The following EYS variants were observed in gnomAD, a reference collection of about 807,000 sequenced individuals.
The protein encoded by EYS is EGF-like photoreceptor maintenance factor.
In EYS, 250 loss-of-function variants were observed where a neutral mutation model predicts 282.1. That is an observed-to-expected ratio of 0.89 (90% confidence interval 0.80 to 0.98). The LOEUF is 0.98. Among genes scored for constraint, EYS ranks in the 50% least tolerant of loss-of-function variants. The pLI, the probability that EYS is intolerant of heterozygous loss-of-function variation, is 0.00. For missense variants in EYS, 4,016 were observed against 3,709.0 expected (o/e 1.08, Z -2.15); for synonymous variants, 1,355 against 1,282.9 (o/e 1.06, Z -1.20).
At chr6:64,250,071 A>G (rs1199127834) in intron 30 of EYS, among the ~76,000 whole-genome samples, 2 of 152,238 alleles carry the variant, frequency 1.3e-5, no homozygotes, top group African/African-American at 4.8e-5. Flanking sequence ...GAAATGGAAG[A>G]TACAAATTTC....
At chr6:64,346,792 C>A (rs561056583) in intron 29 of EYS, among the ~76,000 whole-genome samples, 4 of 151,188 alleles carry the variant, frequency 2.6e-5, no homozygotes, top group Non-Finnish European at 5.9e-5. Context: ...TGGAGACTTC[C>A]GTTGATTGTA....
In EYS at chr6:64,950,792, C is replaced by CATATATATATAT. The variant is rs762177788; in HGVS notation, c.2260-4879_2260-4878insATATATATATAT. On this transcript the variant is annotated intron_variant, in intron 14 of 42. Coordinates refer to ENST00000503581, the MANE Select transcript of EYS (RefSeq NM_001142800.2). ...TGAATAAAAAATATATACACATATA[C>CATATATATATAT]ATATACATATATATATATATATATA... Among the ~76,000 whole-genome samples the CATATATATATAT allele has an allele frequency of 4.4e-3, 266 of 60,740 alleles. 9 individuals carry two copies. Among genetic ancestry groups the CATATATATATAT allele is most frequent in the Middle Eastern group, 8.6e-3 (1 of 116 alleles). The allele number at this position is 60,740 out of a possible 152,430, so 39.8% of individuals were successfully genotyped here.
intron 36 of EYS, among the ~76,000 whole-genome samples, chr6:63,862,394 C>T (rs934338445): frequency 1.2e-4 from 18 of 151,494 alleles, no homozygotes; most frequent in African/African-American, 1.7e-4. Flanking sequence ...GAAATTCTTC[C>T]GGATGGGTGC....
chr6:65,224,373 A>G (rs1766562069), intron 12 of EYS, among the ~76,000 whole-genome samples: 1 of 152,308 alleles, frequency 6.6e-6, no homozygotes, highest in Non-Finnish European at 1.5e-5. Context: ...CAAATGAAAA[A>G]GATATACAGT....
intron 2 of EYS, among the ~76,000 whole-genome samples, chr6:65,532,698 CAG>C (rs934520923): frequency 6.6e-6 from 1 of 152,080 alleles, no homozygotes. Context: ...TGACAAATAA[CAG>C]AGATTAGAAA....
intron 13 of EYS, among the ~76,000 whole-genome samples, chr6:65,045,388 A>T (rs1001836834): frequency 1.3e-5 from 2 of 151,648 alleles, no homozygotes; most frequent in African/African-American, 4.8e-5. Context: ...TGCTTGTAAC[A>T]CTCCACAGCC....
At chr6:65,424,063 G>C (rs1767570986) in intron 5 of EYS, among the ~76,000 whole-genome samples, 1 of 151,758 alleles carries the variant, frequency 6.6e-6, no homozygotes, top group African/African-American at 2.4e-5. Context: ...AGGTTTCTAA[G>C]GTGTAATGAA....
At chr6:64,048,733 T>A (rs1770709703) in intron 33 of EYS, among the ~76,000 whole-genome samples, 1 of 152,172 alleles carries the variant, frequency 6.6e-6, no homozygotes, top group South Asian at 2.1e-4. Flanking sequence ...TGACCACTCT[T>A]TTGGAAATCT....
In EYS at chr6:64,322,030, T is replaced by A. The variant is rs901160568; in HGVS notation, c.6079-14948A>T. On this transcript the variant is annotated intron_variant, in intron 29 of 42. Coordinates refer to ENST00000503581, the MANE Select transcript of EYS (RefSeq NM_001142800.2). ...ATGTAGAAGTAAACTAGAAAGTGGGTTAAGTCAAATTCCCCATACAAATAT... is the reference window on the plus strand; with the variant it reads ...ATGTAGAAGTAAACTAGAAAGTGGGATAAGTCAAATTCCCCATACAAATAT... 3.3e-5 allele frequency among the ~76,000 whole-genome samples: 5 copies of A among 151,970 alleles called. No homozygotes were observed. In the East Asian group the frequency reaches 9.6e-4, roughly 29 times the overall value.
intron 22 of EYS, among the ~76,000 whole-genome samples, chr6:64,693,165 A>T (rs746408753): frequency 6.6e-6 from 1 of 151,666 alleles, no homozygotes; most frequent in African/African-American, 2.4e-5. Flanking sequence ...AGAAATTTTT[A>T]AAAAGTTAGG....
chr6:65,334,661 G>A (rs568007932), intron 11 of EYS, among the ~76,000 whole-genome samples: 5 of 151,838 alleles, frequency 3.3e-5, no homozygotes, highest in African/African-American at 1.2e-4. Flanking sequence ...AGTTGCTTTG[G>A]AGCTAATCGT....
chr6:65,077,423 T>C (rs188831567), intron 12 of EYS, among the ~76,000 whole-genome samples: 1 of 152,208 alleles, frequency 6.6e-6, no homozygotes, highest in African/African-American at 2.4e-5. Flanking sequence ...GTAAGCCCAC[T>C]AGGCACTGAA....
chr6:64,661,084 A>T (rs567304642), intron 22 of EYS, among the ~76,000 whole-genome samples: 2 of 152,208 alleles, frequency 1.3e-5, no homozygotes, highest in Non-Finnish European at 1.5e-5. Context: ...ATAATGCCAC[A>T]TATCTACAAC....
At chr6:65,152,927 A>G (rs937319100) in intron 12 of EYS, among the ~76,000 whole-genome samples, 6 of 151,474 alleles carry the variant, frequency 4.0e-5, no homozygotes. Context: ...CATATTGTTA[A>G]TTAATTTCAT....
chr6:65,125,992 T>A (rs910552464), intron 12 of EYS, among the ~76,000 whole-genome samples: 9 of 152,042 alleles, frequency 5.9e-5, no homozygotes, highest in Non-Finnish European at 1.3e-4. Context: ...GTTTTATAAT[T>A]TACGTATGCA....
At chr6:64,137,869 T>C (rs568846817) in intron 31 of EYS, among the ~76,000 whole-genome samples, 2 of 152,096 alleles carry the variant, frequency 1.3e-5, no homozygotes, top group South Asian at 2.1e-4. Context: ...ATGACACCCA[T>C]AGAATTGCTG....
intron 31 of EYS, among the ~76,000 whole-genome samples, chr6:64,228,019 T>C (rs115181277): frequency 0.01 from 1,544 of 152,264 alleles, 29 homozygotes; most frequent in African/African-American, 0.036. Context: ...ATAGCATGAT[T>C]CAGGTTTCAT....
At chr6:65,281,786 C>A (rs866342461) in intron 12 of EYS, among the ~76,000 whole-genome samples, 1 of 152,026 alleles carries the variant, frequency 6.6e-6, no homozygotes, top group Non-Finnish European at 1.5e-5. Context: ...ACAGATGAAC[C>A]AGGTTCTGTA....
chr6:63,859,854 T>C (rs927185974), intron 36 of EYS, among the ~76,000 whole-genome samples: 3 of 152,098 alleles, frequency 2.0e-5, no homozygotes, highest in African/African-American at 2.4e-5. Flanking sequence ...AGGTAGGAAA[T>C]GTGATAATTA....
Sources: allele counts gnomAD v4.1 joint callset (sites outside exome capture counted in the v4.1 genomes callset), GRCh38; gene constraint gnomAD v4.1.1; transcripts MANE v1.5; gene names NCBI Gene and HGNC (gene_info 2026-07-23, HGNC 2026-07-21).